Variants in CXCL13 observed in about 807,000 individuals in gnomAD.
CXCL13 encodes C-X-C motif chemokine ligand 13, also known as C-X-C motif chemokine 13.
In CXCL13, 7 loss-of-function variants were observed where a neutral mutation model predicts 12.2. The ratio of observed to expected loss-of-function variants is 0.57; its 90% CI spans 0.33 to 1.07. The LOEUF is 1.07. Among genes scored for constraint, CXCL13 ranks in the 50% least tolerant of loss-of-function variants. The pLI, the probability that CXCL13 is intolerant of heterozygous loss-of-function variation, is 0.04. For synonymous variants in CXCL13, 47 were observed against 42.4 expected (o/e 1.11, Z -0.42); for missense variants, 113 against 127.4 (o/e 0.89, Z 0.55).
At chr4:77,547,139 T>C (rs1441713310) in intron 1 of CXCL13, among the ~76,000 whole-genome samples, 2 of 152,230 alleles carry the variant, frequency 1.3e-5, no homozygotes, top group African/African-American at 4.8e-5. Context: ...TTACATTTGC[T>C]GAGGAGTGCT....
intron 1 of CXCL13, among the ~76,000 whole-genome samples, chr4:77,521,890 C>T (rs1270474687): frequency 2.6e-5 from 4 of 152,094 alleles, no homozygotes. Context: ...AAATGTGTCC[C>T]AGAGATTCTG....
At chr4:77,537,431 C>T (rs906383503) in intron 1 of CXCL13, among the ~76,000 whole-genome samples, 14 of 152,098 alleles carry the variant, frequency 9.2e-5, no homozygotes, top group African/African-American at 2.7e-4. Context: ...ATTGGGGAAA[C>T]CTAAAGAAGC....
At chr4:77,518,063 T>C (rs943065465) in intron 1 of CXCL13, among the ~76,000 whole-genome samples, 1 of 152,196 alleles carries the variant, frequency 6.6e-6, no homozygotes, top group African/African-American at 2.4e-5. Context: ...AAGCTTAGTT[T>C]GGCTGGAGAT....
intron 1 of CXCL13, among the ~76,000 whole-genome samples, chr4:77,565,780 A>C (rs145118335): frequency 5.9e-5 from 9 of 152,326 alleles, no homozygotes; most frequent in Admixed American, 3.9e-4. Context: ...TACAGAGGCA[A>C]TAGGAAGTGC....
chr4:77,552,825 A>C (rs949106693), intron 1 of CXCL13, among the ~76,000 whole-genome samples: 14 of 152,202 alleles, frequency 9.2e-5, no homozygotes, highest in African/African-American at 3.4e-4. Flanking sequence ...CCTGGGGGTA[A>C]AACAGAGAGG....
chr4:77,608,930 C>T (rs1560539447), intron 2 of CXCL13, among the ~76,000 whole-genome samples: 1 of 152,158 alleles, frequency 6.6e-6, no homozygotes, highest in Non-Finnish European at 1.5e-5. Context: ...GGTAATGCAC[C>T]TTAATTTTCT....
At chr4:77,528,197 G>C (rs1008656896) in intron 1 of CXCL13, among the ~76,000 whole-genome samples, 13 of 152,120 alleles carry the variant, frequency 8.5e-5, no homozygotes, top group African/African-American at 3.1e-4. Context: ...CATTTGGTTT[G>C]TTCCAAGTCT....
At chr4:77,604,201 G>A (rs1245534955), upstream of CXCL13, among the ~76,000 whole-genome samples, 4 of 152,106 alleles carry the variant, frequency 2.6e-5, no homozygotes, top group African/African-American at 4.8e-5. Flanking sequence ...AGCACGGTTG[G>A]GGTAGAAGAG....
At chr4:77,573,513 C>T (rs1304791073) in intron 1 of CXCL13, among the ~76,000 whole-genome samples, 2 of 151,290 alleles carry the variant, frequency 1.3e-5, no homozygotes, top group African/African-American at 4.9e-5. Context: ...TTAAAGAAGT[C>T]CAAGCATTTT....
Position 77,531,130 on chromosome 4 carries a change from T to TATTATC in CXCL13, c.-43+19344_-43+19345insTATCAT, listed in dbSNP as rs1553914597. On this transcript the variant is annotated intron_variant, in intron 1 of 4. Transcript: ENST00000286758. Reference sequence around the variant, plus strand: ...TTATTATTATTATTATTATTATTATTATCATTATTATACTTTAAGTTTTAG... The same window carrying TATTATC: ...TTATTATTATTATTATTATTATTATTATTATCATCATTATTATACTTTAAGTTTTAG... Among the ~76,000 whole-genome samples, 112 of 144,982 alleles carry TATTATC rather than the reference T, an allele frequency of 7.7e-4. 1 individual carries two copies. The highest frequency in any genetic ancestry group is 5.0e-3 in the Admixed American group (73 of 14,462).
At chr4:77,524,447 C>G (rs1258218262) in intron 1 of CXCL13, among the ~76,000 whole-genome samples, 1 of 152,190 alleles carries the variant, frequency 6.6e-6, no homozygotes, top group Non-Finnish European at 1.5e-5. Flanking sequence ...GGCAGATGCC[C>G]CTCTCCCAGC....
chr4:77,571,320 T>G (rs928804546), intron 1 of CXCL13, among the ~76,000 whole-genome samples: 4 of 151,146 alleles, frequency 2.6e-5, no homozygotes, highest in African/African-American at 9.8e-5. Context: ...CACCCTGTGT[T>G]TAGCTCAAGG....
At chr4:77,568,440 T>C (rs1725987182) in intron 1 of CXCL13, among the ~76,000 whole-genome samples, 1 of 152,244 alleles carries the variant, frequency 6.6e-6, no homozygotes, top group Admixed American at 6.5e-5. Flanking sequence ...ACCAGCCATT[T>C]TACTTTTCTC....
upstream of CXCL13, among the ~76,000 whole-genome samples, chr4:77,602,525 G>A (rs1265342890): frequency 6.6e-6 from 1 of 152,050 alleles, no homozygotes; most frequent in Admixed American, 6.6e-5. Flanking sequence ...TTTTAAACTA[G>A]CTCTCGGGTG....
rs1204604872 is a variant in CXCL13 at position 77,559,590 on chromosome 4, C to T, written c.-42-46234C>T. ...TCTTCCATTCAAGGACTAAATATGC[C>T]GTGTGTGTGTGTGTGTGTGTGATTG... On this transcript the variant is annotated intron_variant, in intron 1 of 4. Coordinates refer to the CXCL13 transcript ENST00000286758. 6.7e-5 allele frequency among the ~76,000 whole-genome samples: 10 copies of T among 148,732 alleles called. No homozygotes were observed. The East Asian group carries it at 7.8e-4, about 12-fold the overall frequency.
At chr4:77,561,070 A>G (rs115236196) in intron 1 of CXCL13, among the ~76,000 whole-genome samples, 2,843 of 152,244 alleles carry the variant, frequency 0.019, 79 homozygotes, top group African/African-American at 0.065. Context: ...TTATAATTAA[A>G]CTTTTTCTGT....
chr4:77,611,194 C>A lies in CXCL13; in HGVS notation c.*155C>A. 3.2e-6 allele frequency: 2 copies of A among 625,232 alleles called. No individual in the cohort carries two copies. The highest frequency in any genetic ancestry group is 2.8e-6 in the Non-Finnish European group (1 of 358,542). 38.7% of individuals were successfully genotyped at this position (625,232 alleles called of 1,614,324 possible). On this transcript the variant is annotated 3_prime_UTR_variant, in exon 4 of 4. Coordinates refer to ENST00000682537, the MANE Select transcript of CXCL13 (RefSeq NM_001371558.1). ...AATAACCTTGCAGAAGCTGATGGGGCAAACTCAAGCTTCTTCACTCACAGC... is the reference window on the plus strand; with the variant it reads ...AATAACCTTGCAGAAGCTGATGGGGAAAACTCAAGCTTCTTCACTCACAGC...
intron 1 of CXCL13, among the ~76,000 whole-genome samples, chr4:77,567,846 T>G (rs190118304): frequency 1.2e-3 from 178 of 152,324 alleles, no homozygotes; most frequent in African/African-American, 4.1e-3. Flanking sequence ...AGAAAACTCA[T>G]GAAAATCCAC....
intron 1 of CXCL13, among the ~76,000 whole-genome samples, chr4:77,528,305 G>C (rs1236104148): frequency 1.3e-5 from 2 of 152,190 alleles, no homozygotes; most frequent in Non-Finnish European, 2.9e-5. Flanking sequence ...TAATGGGATT[G>C]CTGGGTCAAA....
Sources: allele counts gnomAD v4.1 joint callset (sites outside exome capture counted in the v4.1 genomes callset), GRCh38; gene constraint gnomAD v4.1.1; transcripts MANE v1.5; gene names NCBI Gene and HGNC (gene_info 2026-07-23, HGNC 2026-07-21).